LSM4: variants seen among roughly 807,000 people sequenced by gnomAD.
LSM4 encodes LSM4 homolog, U6 small nuclear RNA and mRNA degradation associated.
A neutral mutation model predicts 22.3 loss-of-function variants in LSM4; 15 were observed. That is an observed-to-expected ratio of 0.67 (90% confidence interval 0.45 to 1.03). The LOEUF is 1.03. LSM4 is among the 50% of genes least tolerant of loss of function. The probability of loss-of-function intolerance (pLI) is 0.00; values close to 1 mark genes in which losing one functional copy is unlikely to be tolerated. For missense variants in LSM4, 127 were observed against 198.0 expected, an observed-to-expected ratio of 0.64 and a Z score of 2.15; for synonymous variants, 90 against 79.8, an observed-to-expected ratio of 1.13 and a Z score of -0.68.
chr19:18,321,199 G>C (rs759381842), intron 1 of LSM4, among the ~76,000 whole-genome samples: 3 of 152,196 alleles, frequency 2.0e-5, no homozygotes, highest in Admixed American at 6.5e-5. Flanking sequence ...CCCACGCACC[G>C]TTCTACATAC....
intron 2 of LSM4, 42 bp from the exon 3 acceptor site, chr19:18,312,744 C>A (rs1970312429): frequency 3.4e-6 from 5 of 1,483,640 alleles, no homozygotes; most frequent in Non-Finnish European, 4.7e-6. Flanking sequence ...AGCCCTGGAG[C>A]CCTGCGCCAT....
intron 4 of LSM4, 141 bp downstream of exon 4, chr19:18,309,537 T>C: frequency 1.1e-6 from 1 of 898,068 alleles, no homozygotes; most frequent in Non-Finnish European, 1.6e-6. Flanking sequence ...GGGCCTCGGC[T>C]CATGGCCAAG....
chr19:18,314,954 A>T (rs1012438823), intron 2 of LSM4, among the ~76,000 whole-genome samples: 2 of 151,586 alleles, frequency 1.3e-5, no homozygotes, highest in South Asian at 4.2e-4. Context: ...GCGCGATCTC[A>T]GCTCACTGCA....
chr19:18,307,183 C>G lies in LSM4; in HGVS notation c.*281G>C, dbSNP rs1486877623. 2.8e-6 allele frequency: 1 copy of G among 356,314 alleles called. No homozygotes were observed. Among genetic ancestry groups the G allele is most frequent in the East Asian group, 4.2e-5 (1 of 23,980 alleles). 22.1% of individuals were successfully genotyped at this position (356,314 alleles called of 1,614,324 possible). On this transcript the variant is annotated 3_prime_UTR_variant, in exon 5 of 5. Coordinates refer to ENST00000593829, the MANE Select transcript of LSM4 (RefSeq NM_012321.5). ...GAAAATGCTGCCCTGAGAACCAGAG[C>G]GAGGGCTTGAAAGATGCCTTCAACA... is the stretch of plus-strand genomic sequence containing the variant.
In LSM4 at chr19:18,307,496, T is replaced by G. The variant is rs1272339306; in HGVS notation, c.388A>C (p.Lys130Gln). Residue 130 changes from lysine to glutamine, a missense_variant, in exon 5 of 5, where the codon AAG (lysine) becomes CAG (glutamine). Coordinates refer to ENST00000593829, the MANE Select transcript of LSM4 (RefSeq NM_012321.5). ...IPGTGRGQPEKKPGRQAGKQ is the reference protein window; with the variant it reads ...IPGTGRGQPEQKPGRQAGKQ ...TTGCCCGCCTGTCTGCCAGGCTTCT[T>G]CTCTGGCTGGCCTCTGCCTGTGCCC... 1.3e-6 allele frequency: 2 copies of G among 1,555,326 alleles called. No homozygotes were observed. Among genetic ancestry groups the G allele is most frequent in the Non-Finnish European group, 1.7e-6 (2 of 1,150,736 alleles).
intron 3 of LSM4, 194 bp downstream of exon 3, chr19:18,312,410 T>C: frequency 1.8e-6 from 1 of 541,646 alleles, no homozygotes; most frequent in South Asian, 2.0e-5. Context: ...TCCCACAGGG[T>C]CAAAGTCCAG....
chr19:18,317,980 G>A (rs1302908808), intron 1 of LSM4, among the ~76,000 whole-genome samples: 3 of 152,176 alleles, frequency 2.0e-5, no homozygotes, highest in Non-Finnish European at 2.9e-5. Flanking sequence ...GCAGAGCTGT[G>A]CCTGGGTGCG....
chr19:18,319,255 A>G (rs558023324), intron 1 of LSM4, among the ~76,000 whole-genome samples: 7 of 150,750 alleles, frequency 4.6e-5, no homozygotes, highest in Admixed American at 1.3e-4. Flanking sequence ...AAAACAAAAA[A>G]CAAAAAAACA....
Position 18,307,233 on chromosome 19 carries a change from G to A in LSM4, c.*231C>T. The A allele has an allele frequency of 4.7e-6, 2 of 425,980 alleles. No individual in the cohort carries two copies. 26.4% of individuals were successfully genotyped at this position (425,980 alleles called of 1,614,324 possible). The stretch of plus-strand genomic sequence containing the variant: ...ACAGACTCTTCTAGGAATCCAGCCA[G>A]TTTTGGGACGGCCGTTTCACAAAAC... On this transcript the variant is annotated 3_prime_UTR_variant, in exon 5 of 5. Transcript: ENST00000593829.
chr19:18,322,029 A>G (rs939010322), intron 1 of LSM4, among the ~76,000 whole-genome samples: 3 of 152,110 alleles, frequency 2.0e-5, no homozygotes, highest in African/African-American at 7.2e-5. Flanking sequence ...CTCTTTCTCC[A>G]CTGCAATTCC....
rs779385091 is a variant in LSM4, at chr19:18,323,027, G to C, written c.-7C>G. 4 of 1,558,262 alleles carry C rather than the reference G, an allele frequency of 2.6e-6. No individual in the cohort carries two copies. Among genetic ancestry groups the C allele is most frequent in the Admixed American group, 1.9e-5 (1 of 54,046 alleles). On this transcript the variant is annotated 5_prime_UTR_variant, in exon 1 of 5. Coordinates refer to ENST00000593829, the MANE Select transcript of LSM4 (RefSeq NM_012321.5). ...GTTGCCCTGCCCTCACCATGGTGCC[G>C]GCGGGGACCGGGCTCGCCGGCCACT...
At chr19:18,316,155 G>A (rs1970353813) in intron 1 of LSM4, 90 bp from the exon 2 acceptor site, 2 of 1,240,662 alleles carry the variant, frequency 1.6e-6, no homozygotes, top group Non-Finnish European at 2.3e-6. Context: ...CATAGATGGT[G>A]CGGTGCGGTT....
rs530180927 is a variant in LSM4 at position 18,322,919 on chromosome 19, T to C, written c.3+99A>G. On this transcript the variant is annotated intron_variant, in intron 1 of 4. Coordinates refer to ENST00000593829, the MANE Select transcript of LSM4 (RefSeq NM_012321.5). Reference sequence around the variant, plus strand: ...GGGACTCGAGGCTCGGACCTTACGTTCGCCCCGCGCCAACCAAGCCCACAG... The same window carrying C: ...GGGACTCGAGGCTCGGACCTTACGTCCGCCCCGCGCCAACCAAGCCCACAG... 1,159 of 1,522,860 alleles carry C rather than the reference T, an allele frequency of 7.6e-4. 9 individuals are homozygous for C. In the South Asian group the frequency reaches 0.011, roughly 15 times the overall value. The allele number at this position is 1,522,860 out of a possible 1,614,324, so 94.3% of individuals were successfully genotyped here. A position where few individuals can be genotyped will look rare whatever the true frequency, so the allele number is the denominator to read the frequency against.
In LSM4 at chr19:18,307,310, A is replaced by G. The variant is rs1055801895; in HGVS notation, c.*154T>C. 7 of 524,064 alleles carry G rather than the reference A, an allele frequency of 1.3e-5. No homozygotes were observed. Among genetic ancestry groups the G allele is most frequent in the Non-Finnish European group, 1.8e-5 (6 of 324,834 alleles). 32.5% of individuals were successfully genotyped at this position (524,064 alleles called of 1,614,324 possible). A position where few individuals can be genotyped will look rare whatever the true frequency, so the allele number is the denominator to read the frequency against. On this transcript the variant is annotated 3_prime_UTR_variant, in exon 5 of 5. Coordinates refer to ENST00000593829, the MANE Select transcript of LSM4 (RefSeq NM_012321.5). Reference sequence around the variant, plus strand: ...CCGGAGAATTGCCGGTTTTAGCAAGAAAAAGGGGCTTCACCTAAAAGGGAG... The same window carrying G: ...CCGGAGAATTGCCGGTTTTAGCAAGGAAAAGGGGCTTCACCTAAAAGGGAG...
chr19:18,307,337 G>C lies in LSM4; in HGVS notation c.*127C>G. 1.5e-6 allele frequency: 1 copy of C among 645,308 alleles called. No homozygotes were observed. Among genetic ancestry groups the C allele is most frequent in the Non-Finnish European group, 2.3e-6 (1 of 431,614 alleles). The allele number at this position is 645,308 out of a possible 1,614,324, so 40.0% of individuals were successfully genotyped here. On this transcript the variant is annotated 3_prime_UTR_variant, in exon 5 of 5. Coordinates refer to ENST00000593829, the MANE Select transcript of LSM4 (RefSeq NM_012321.5). ...AAAGGGGCTTCACCTAAAAGGGAGG[G>C]TCACAAAACACGAAGGGGGTTCCCC...
At chr19:18,316,993 A>C (rs574859664) in intron 1 of LSM4, among the ~76,000 whole-genome samples, 2 of 152,014 alleles carry the variant, frequency 1.3e-5, no homozygotes, top group Admixed American at 6.5e-5. Flanking sequence ...GGTGGTGCGC[A>C]TCTGTAGTCC....
chr19:18,320,072 A>G (rs969551954), intron 1 of LSM4, among the ~76,000 whole-genome samples: 1 of 151,890 alleles, frequency 6.6e-6, no homozygotes, highest in Non-Finnish European at 1.5e-5. Flanking sequence ...GAGCTGCCTG[A>G]CTCCCAGGCC....
In LSM4 at chr19:18,307,209, C is replaced by CA. The variant is rs1213167782; in HGVS notation, c.*254dup. 4 of 399,692 alleles carry CA rather than the reference C, an allele frequency of 1.0e-5. No individual in the cohort carries two copies. Among genetic ancestry groups the CA allele is most frequent in the African/African-American group, 8.3e-5 (4 of 48,410 alleles). The allele number at this position is 399,692 out of a possible 1,614,324, so 24.8% of individuals were successfully genotyped here. A position where few individuals can be genotyped will look rare whatever the true frequency, so the allele number is the denominator to read the frequency against. ...GAGGGCTTGAAAGATGCCTTCAACA[C>CA]AGACTCTTCTAGGAATCCAGCCAGT... On this transcript the variant is annotated 3_prime_UTR_variant, in exon 5 of 5. Coordinates refer to ENST00000593829, the MANE Select transcript of LSM4 (RefSeq NM_012321.5).
At position 18,307,474 on chromosome 19, in the gene LSM4, C is replaced by T. The variant is rs1221527821; in HGVS notation, c.410G>A (p.Gly137Asp). The change falls in exon 5 of 5, where the codon GGC (glycine) becomes GAC (aspartate). Residue 137 changes from glycine (G) to aspartate (D), a missense_variant. Physicochemically the swap from Gly to Asp is moderately conservative, Grantham distance 94. Coordinates refer to ENST00000593829, the MANE Select transcript of LSM4 (RefSeq NM_012321.5). ...GGTCTGGGTGGGCGCTCACTGTTTG[C>T]CCGCCTGTCTGCCAGGCTTCTTCTC... ...QPEKKPGRQA[G>D]KQ is the part of the protein sequence containing the mutation. 12 of 1,545,582 alleles carry T rather than the reference C, an allele frequency of 7.8e-6. No homozygotes were observed. Among genetic ancestry groups the T allele is most frequent in the Non-Finnish European group, 9.6e-6 (11 of 1,147,088 alleles).
Sources: allele counts gnomAD v4.1 joint callset (sites outside exome capture counted in the v4.1 genomes callset), GRCh38; gene constraint gnomAD v4.1.1; transcripts MANE v1.5; gene names NCBI Gene and HGNC (gene_info 2026-07-23, HGNC 2026-07-21).